SSH2: variants seen among roughly 807,000 people sequenced by gnomAD.
SSH2 encodes protein phosphatase Slingshot homolog 2.
SSH2 carries 37 observed loss-of-function variants against 135.2 expected under a neutral mutation model. The observed-to-expected ratio is 0.27, with a 90% CI of 0.21 to 0.36. The LOEUF (loss-of-function observed/expected upper bound fraction) is 0.36. Among genes scored for constraint, SSH2 ranks in the 10% least tolerant of loss-of-function variants. The probability of loss-of-function intolerance (pLI) is 1.00; values close to 1 mark genes in which losing one functional copy is unlikely to be tolerated. For synonymous variants in SSH2, 628 were observed against 646.2 expected, an observed-to-expected ratio of 0.97 and a Z score of 0.43; for missense variants, 1,408 against 1,765.3, an observed-to-expected ratio of 0.80 and a Z score of 3.63.
At chr17:29,891,769 A>G (rs769529970) in intron 1 of SSH2, among the ~76,000 whole-genome samples, 2 of 152,190 alleles carry the variant, frequency 1.3e-5, no homozygotes, top group Non-Finnish European at 2.9e-5. Flanking sequence ...GTGACCCACT[A>G]TAAATCAAAA....
chr17:29,702,657 AAAAAC>A (rs753935006), intron 4 of SSH2, among the ~76,000 whole-genome samples: 1 of 152,224 alleles, frequency 6.6e-6, no homozygotes, highest in Non-Finnish European at 1.5e-5. Flanking sequence ...TCCATCTCAA[AAAAAC>A]AAAACAAAAC....
At chr17:29,730,630 T>C (rs914866293) in intron 3 of SSH2, among the ~76,000 whole-genome samples, 10 of 151,798 alleles carry the variant, frequency 6.6e-5, no homozygotes, top group African/African-American at 2.4e-4. Flanking sequence ...GTAGAGATAG[T>C]GTTTCACCAT....
At chr17:29,874,385 G>A (rs2065992538) in intron 1 of SSH2, among the ~76,000 whole-genome samples, 1 of 152,100 alleles carries the variant, frequency 6.6e-6, no homozygotes, top group African/African-American at 2.4e-5. Flanking sequence ...ATATGGTTAG[G>A]CTTTGATATG....
In SSH2 at chr17:29,632,445, A is replaced by T; in HGVS notation, c.2749T>A (p.Cys917Ser). The change falls in exon 16 of 16, where the codon TGT becomes AGT. Residue 917 changes from cysteine (C) to serine (S), a missense_variant. Cys to Ser is a moderately radical substitution (Grantham distance 112). Transcript: ENST00000540801. ...TTCTTACGAGTGGACAATGAGGTAC[A>T]TGTTGGGGCAGCACCATGATGCTCT... Reference protein sequence around the residue: ...EQEHHGAAPTCTSLSTRKNSK... With the variant: ...EQEHHGAAPTSTSLSTRKNSK... 6.2e-7 allele frequency: 1 copy of T among 1,614,198 alleles called. No individual in the cohort carries two copies. Among genetic ancestry groups the T allele is most frequent in the Middle Eastern group, 1.6e-4 (1 of 6,062 alleles).
At chr17:29,667,720 C>A in intron 9 of SSH2, among the ~76,000 whole-genome samples, 1 of 152,152 alleles carries the variant, frequency 6.6e-6, no homozygotes. Context: ...CTTTTAATGA[C>A]AACTCTCACA....
At position 29,703,591 on chromosome 17, in the gene SSH2, T is replaced by G. The variant is rs147808546; in HGVS notation, c.189-529A>C. On this transcript the variant is annotated intron_variant, in intron 3 of 15. Transcript: ENST00000540801. The stretch of plus-strand genomic sequence containing the variant: ...ACAAAACTTTACAATATTCTTTTTT[T>G]TTGAGATGGAGTCTCACTCTGTTGC... Among the ~76,000 whole-genome samples, 10 of 150,810 alleles carry G rather than the reference T, an allele frequency of 6.6e-5. No homozygotes were observed. In the East Asian group the frequency reaches 1.8e-3, roughly 27 times the overall value.
intron 5 of SSH2, among the ~76,000 whole-genome samples, chr17:29,686,660 C>A (rs975344560): frequency 2.7e-5 from 4 of 150,586 alleles, no homozygotes; most frequent in Non-Finnish European, 4.4e-5. Context: ...CGGGCCACTG[C>A]ACCCAGCCTT....
chr17:29,722,255 T>C (rs1012708000), intron 3 of SSH2, among the ~76,000 whole-genome samples: 1 of 138,558 alleles, frequency 7.2e-6, no homozygotes, highest in African/African-American at 2.8e-5. Flanking sequence ...GCCTGGGCAA[T>C]AGAACGGGAC....
chr17:29,759,285 C>T (rs981718304), intron 3 of SSH2, among the ~76,000 whole-genome samples: 1 of 151,984 alleles, frequency 6.6e-6, no homozygotes, highest in Non-Finnish European at 1.5e-5. Flanking sequence ...ATCCTCCCAC[C>T]TCAGCCTCCC....
At chr17:29,732,458 C>G (rs1021995955) in intron 3 of SSH2, among the ~76,000 whole-genome samples, 5 of 152,120 alleles carry the variant, frequency 3.3e-5, no homozygotes, top group African/African-American at 1.2e-4. Context: ...AAATAATTTG[C>G]TTTGGCTTTT....
intron 15 of SSH2, among the ~76,000 whole-genome samples, chr17:29,633,339 T>C (rs2035768660): frequency 6.6e-6 from 1 of 152,248 alleles, no homozygotes; most frequent in Non-Finnish European, 1.5e-5. Context: ...ACTTCTAGTT[T>C]GATCCTAACC....
chr17:29,743,972 T>G (rs1341943952), intron 3 of SSH2, among the ~76,000 whole-genome samples: 2 of 145,350 alleles, frequency 1.4e-5, no homozygotes, highest in Non-Finnish European at 3.0e-5. Flanking sequence ...GGAGCCTGAG[T>G]CGGAAGCCAC....
intron 1 of SSH2, among the ~76,000 whole-genome samples, chr17:29,922,386 A>G (rs951728054): frequency 7.4e-5 from 9 of 120,810 alleles, no homozygotes; most frequent in Non-Finnish European, 1.4e-4. Context: ...AGGGTACACA[A>G]ACTGAAAAGA....
chr17:29,910,848 A>C (rs1019402335), intron 1 of SSH2, among the ~76,000 whole-genome samples: 4 of 152,204 alleles, frequency 2.6e-5, no homozygotes, highest in South Asian at 2.1e-4. Flanking sequence ...AAATTTGCTT[A>C]TTATTTGTAT....
chr17:29,654,282 A>G (rs2036696123), intron 12 of SSH2, among the ~76,000 whole-genome samples: 1 of 152,188 alleles, frequency 6.6e-6, no homozygotes, highest in Non-Finnish European at 1.5e-5. Context: ...GAAGAACTCT[A>G]GACTTTCTTA....
At chr17:29,704,514 C>T (rs2039118507) in intron 3 of SSH2, among the ~76,000 whole-genome samples, 1 of 151,986 alleles carries the variant, frequency 6.6e-6, no homozygotes, top group Non-Finnish European at 1.5e-5. Flanking sequence ...CCAGGCTAGG[C>T]AACACAGTGA....
rs1035512082 is a variant in SSH2 at position 29,627,906 on chromosome 17, G to C, written c.*2935C>G. 1 of 152,158 alleles carries C rather than the reference G, an allele frequency of 6.6e-6. No homozygotes were observed. The highest frequency in any genetic ancestry group is 2.4e-5 in the African/African-American group (1 of 41,410). The allele number at this position is 152,158 out of a possible 1,614,324, so 9.4% of individuals were successfully genotyped here. On this transcript the variant is annotated 3_prime_UTR_variant, in exon 16 of 16. Transcript: ENST00000540801. ...GCACATACACTCCTCCAAAATAAGT[G>C]AGAGTCTATGGTGGTTTAAAAAGAG...
intron 1 of SSH2, among the ~76,000 whole-genome samples, chr17:29,880,614 T>C (rs1225693710): frequency 1.3e-5 from 2 of 152,186 alleles, no homozygotes; most frequent in Non-Finnish European, 2.9e-5. Flanking sequence ...GCCCAATTCA[T>C]ATATTCATGC....
intron 14 of SSH2, chr17:29,645,629 T>A (rs909558416): frequency 5.3e-5 from 8 of 152,162 alleles, no homozygotes; most frequent in African/African-American, 1.9e-4. Context: ...TGTCTGGGAA[T>A]ATATATTTAT....
Sources: allele counts gnomAD v4.1 joint callset (sites outside exome capture counted in the v4.1 genomes callset), GRCh38; gene constraint gnomAD v4.1.1; transcripts MANE v1.5; gene names NCBI Gene and HGNC (gene_info 2026-07-23, HGNC 2026-07-21).